Variants in LRCH3 observed in about 807,000 individuals in gnomAD.
The protein encoded by LRCH3 is leucine rich repeats and calponin homology domain containing 3.
LRCH3 carries 68 observed loss-of-function variants against 104.5 expected under a neutral mutation model. The ratio of observed to expected loss-of-function variants is 0.65; its 90% CI spans 0.54 to 0.80. The LOEUF is 0.80. Ranked by LOEUF, LRCH3 falls within the 30% of genes least tolerant of loss-of-function variation. The probability of loss-of-function intolerance (pLI) is 0.00; values close to 1 mark genes in which losing one functional copy is unlikely to be tolerated. For synonymous variants in LRCH3, 344 were observed against 361.3 expected (o/e 0.95, Z 0.54); for missense variants, 951 against 953.9 (o/e 1.00, Z 0.04).
intron 8 of LRCH3, among the ~76,000 whole-genome samples, chr3:197,835,099 G>C (rs193298605): frequency 6.6e-6 from 1 of 152,126 alleles, no homozygotes; most frequent in Non-Finnish European, 1.5e-5. Flanking sequence ...AGCCAAGATT[G>C]CACCACTGCA....
Position 197,883,526 on chromosome 3 carries a change from C to T in LRCH3, c.2209-15C>T, listed in dbSNP as rs1388136848. The T allele has an allele frequency of 1.3e-5, 20 of 1,532,886 alleles. No individual in the cohort carries two copies. Among genetic ancestry groups the T allele is most frequent in the East Asian group, 2.5e-5 (1 of 40,794 alleles). 95.0% of individuals were successfully genotyped at this position (1,532,886 alleles called of 1,614,324 possible). On this transcript the variant is annotated splice_polypyrimidine_tract_variant and intron_variant, in intron 20 of 20. Transcript: ENST00000425562. The surrounding 1 kb of genome is among the most constrained non-coding windows in gnomAD (Gnocchi z 4.2). ...TTCTTTTTTGTTTGTTTTCATGTTA[C>T]GTTGTCCCTTTCAGGAGCAATTATG...
intron 15 of LRCH3, among the ~76,000 whole-genome samples, chr3:197,863,061 C>A (rs1360849851): frequency 1.3e-5 from 2 of 151,848 alleles, no homozygotes; most frequent in African/African-American, 4.8e-5. Context: ...CTGTAAGTAG[C>A]GATGTAAGAG....
intron 1 of LRCH3, among the ~76,000 whole-genome samples, chr3:197,806,019 C>T (rs1008798860): frequency 1.3e-5 from 2 of 151,784 alleles, no homozygotes; most frequent in Non-Finnish European, 2.9e-5. Flanking sequence ...GTCTGCCTCC[C>T]GGGTTCAAGT....
chr3:197,848,072 T>C (rs1200897969), intron 12 of LRCH3, 51 bp downstream of exon 12: 1 of 1,599,600 alleles, frequency 6.3e-7, no homozygotes, highest in Admixed American at 1.7e-5. Context: ...TAAGTGCTTA[T>C]TTGTTTGGTC....
intron 1 of LRCH3, among the ~76,000 whole-genome samples, chr3:197,805,523 T>C (rs1385210042): frequency 1.3e-5 from 2 of 150,406 alleles, no homozygotes; most frequent in East Asian, 3.9e-4. Context: ...TTGGCTGATA[T>C]ACTCCTCTGA....
intron 12 of LRCH3, chr3:197,851,018 AAC>A: frequency 1.3e-6 from 1 of 767,738 alleles, no homozygotes; most frequent in Admixed American, 1.7e-5. Context: ...TGAACAAGGA[AAC>A]ACGCTCAGAG....
intron 4 of LRCH3, chr3:197,823,573 G>C (rs137995451): frequency 6.6e-6 from 1 of 151,610 alleles, no homozygotes; most frequent in Non-Finnish European, 1.5e-5. Flanking sequence ...CCGTAGCCTC[G>C]AACTCTGTGG....
chr3:197,875,534 G>C (rs1712788275), intron 19 of LRCH3, among the ~76,000 whole-genome samples, 164 bp from the exon 20 acceptor site: 1 of 152,172 alleles, frequency 6.6e-6, no homozygotes, highest in South Asian at 2.1e-4. Context: ...TGCAACTATA[G>C]TCCCAGCTAC....
At chr3:197,838,722 G>A (rs929194341) in intron 9 of LRCH3, among the ~76,000 whole-genome samples, 21 of 152,052 alleles carry the variant, frequency 1.4e-4, no homozygotes, top group African/African-American at 5.1e-4. Flanking sequence ...TTTACTCTTT[G>A]GTTTGTAGAT....
Position 197,858,836 on chromosome 3 carries a change from G to C in LRCH3, c.1647G>C (p.Ser549=). ...QHTDDSALCM[S]LSGLNQVGCA... is the part of the protein sequence containing the mutation. Reference sequence around the variant, plus strand: ...TCTCTTTCTCATTTGAAATGTAGTCGCTGTCAGGGTTGAATCAAGTGGGCT... The same window carrying C: ...TCTCTTTCTCATTTGAAATGTAGTCCCTGTCAGGGTTGAATCAAGTGGGCT... The change falls in exon 15 of 21, where the codon TCG becomes TCC. Residue 549 remains serine, a splice_region_variant and synonymous_variant. Coordinates refer to ENST00000425562, the MANE Select transcript of LRCH3 (RefSeq NM_001365715.1). 1 of 1,612,718 alleles carries C rather than the reference G, an allele frequency of 6.2e-7. No individual in the cohort carries two copies. Among genetic ancestry groups the C allele is most frequent in the Non-Finnish European group, 8.5e-7 (1 of 1,178,888 alleles).
chr3:197,819,335 T>C (rs1189931959), intron 3 of LRCH3, among the ~76,000 whole-genome samples: 2 of 7,000 alleles, frequency 2.9e-4, no homozygotes, highest in Non-Finnish European at 1.6e-3. Flanking sequence ...TGCTTTCAAC[T>C]TTTTTTTTTT....
chr3:197,841,986 C>T (rs533671159), intron 10 of LRCH3, among the ~76,000 whole-genome samples: 1 of 152,232 alleles, frequency 6.6e-6, no homozygotes, highest in Non-Finnish European at 1.5e-5. Flanking sequence ...GCGTGTGCTA[C>T]ATACTCAGCA....
At chr3:197,836,496 G>A (rs771572817) in intron 9 of LRCH3, among the ~76,000 whole-genome samples, 4 of 152,204 alleles carry the variant, frequency 2.6e-5, no homozygotes, top group Non-Finnish European at 5.9e-5. Flanking sequence ...TGATGTTGAT[G>A]TCTGGAGCTG....
chr3:197,833,628 A>C (rs2109300427), intron 8 of LRCH3, among the ~76,000 whole-genome samples: 1 of 152,312 alleles, frequency 6.6e-6, no homozygotes, highest in South Asian at 2.1e-4. Context: ...TTTGAAAAAA[A>C]GCGTGTAAAA....
intron 1 of LRCH3, among the ~76,000 whole-genome samples, chr3:197,798,884 G>A (rs2109105217): frequency 6.6e-6 from 1 of 152,326 alleles, no homozygotes; most frequent in African/African-American, 2.4e-5. Flanking sequence ...CACATTTCAA[G>A]TGCTCAGTAG....
At chr3:197,808,565 C>T (rs943777301) in intron 1 of LRCH3, among the ~76,000 whole-genome samples, 5 of 151,364 alleles carry the variant, frequency 3.3e-5, no homozygotes, top group African/African-American at 1.2e-4. Context: ...TCCTGAAGGA[C>T]ATTTTGCTGG....
At chr3:197,866,573 TAA>T (rs1741510161) in intron 17 of LRCH3, among the ~76,000 whole-genome samples, 2 of 152,246 alleles carry the variant, frequency 1.3e-5, no homozygotes. Flanking sequence ...AAATCTACTT[TAA>T]GTCTCATGTT....
At chr3:197,868,229 G>A (rs78989995) in intron 17 of LRCH3, among the ~76,000 whole-genome samples, 18,968 of 152,012 alleles carry the variant, frequency 0.12, 1,318 homozygotes, top group African/African-American at 0.19. Context: ...ACAAGACAAC[G>A]ATAATAAACA....
intron 15 of LRCH3, among the ~76,000 whole-genome samples, chr3:197,864,709 C>T (rs967203802): frequency 7.5e-6 from 1 of 132,960 alleles, no homozygotes; most frequent in African/African-American, 2.8e-5. Context: ...TCTTCTTCTT[C>T]TTTTTTTTTT....
Sources: allele counts gnomAD v4.1 joint callset (sites outside exome capture counted in the v4.1 genomes callset), GRCh38; gene constraint gnomAD v4.1.1; non-coding constraint Gnocchi (gnomAD v3.1); transcripts MANE v1.5; gene names NCBI Gene and HGNC (gene_info 2026-07-23, HGNC 2026-07-21).